RYR3: variants seen among roughly 807,000 people sequenced by gnomAD.
RYR3 encodes ryanodine receptor 3.
RYR3 carries 207 observed loss-of-function variants against 584.3 expected under a neutral mutation model. The ratio of observed to expected loss-of-function variants is 0.35; its 90% confidence interval spans 0.32 to 0.40. The LOEUF is 0.40. Ranked by LOEUF, RYR3 falls within the 10% of genes least tolerant of loss-of-function variation. The probability of loss-of-function intolerance (pLI) is 1.00; values close to 1 mark genes in which losing one functional copy is unlikely to be tolerated. For synonymous variants in RYR3, 2,416 were observed against 2,248.5 expected, an observed-to-expected ratio of 1.07 and a Z score of -2.11; for missense variants, 5,616 against 6,089.2, an observed-to-expected ratio of 0.92 and a Z score of 2.59.
chr15:33,865,427 G>C lies in RYR3; in HGVS notation c.*201G>C. On this transcript the variant is annotated 3_prime_UTR_variant, in exon 104 of 104. Coordinates refer to ENST00000634891, the MANE Select transcript of RYR3 (RefSeq NM_001036.6). ...GGACATACACTGTGGGAGAGAACCT[G>C]TCAAAATGTCGAAGAAGGAAGGCGA... 2.0e-6 allele frequency: 1 copy of C among 511,412 alleles called. No homozygotes were observed. Among genetic ancestry groups the C allele is most frequent in the South Asian group, 3.2e-5 (1 of 31,680 alleles). The allele number at this position is 511,412 out of a possible 1,614,324, so 31.7% of individuals were successfully genotyped here.
At position 33,783,315 on chromosome 15, in the gene RYR3, G is replaced by A. The variant is rs1462462569; in HGVS notation, c.9269-2347G>A. Among the ~76,000 whole-genome samples the A allele has an allele frequency of 2.6e-5, 4 of 152,276 alleles. No homozygotes were observed. The East Asian group carries it at 7.7e-4, about 29-fold the overall frequency. ...GAATTATTGATCTAGAAGTTAAAAG[G>A]ACAGTGATTCTAAAGATTCCCCCTA... is the stretch of plus-strand genomic sequence containing the variant. On this transcript the variant is annotated intron_variant, in intron 65 of 103. Coordinates refer to ENST00000634891, the MANE Select transcript of RYR3 (RefSeq NM_001036.6).
chr15:33,842,705 C>T (rs996402070), intron 91 of RYR3, among the ~76,000 whole-genome samples: 1 of 152,172 alleles, frequency 6.6e-6, no homozygotes, highest in African/African-American at 2.4e-5. Context: ...GCTCCTGGAA[C>T]TGTAACTTGG....
rs551472479 is a variant in RYR3 at position 33,757,502 on chromosome 15, T to C, written c.8611T>C (p.Phe2871Leu). Reference sequence around the variant, plus strand: ...TCTCCTCCCGCTGGTTGACCAGTACTTCACCAGTCATTGCCTCTACTTCTT... The same window carrying C: ...TCTCCTCCCGCTGGTTGACCAGTACCTCACCAGTCATTGCCTCTACTTCTT... ...KVLLPLVDQY[F>L]TSHCLYFLSS... The change falls in exon 60 of 104, where the codon TTC becomes CTC. Residue 2871 changes from phenylalanine (F) to leucine (L), a missense_variant. Around this residue, in one of 9 missense-constraint regions of RYR3, gnomAD observed 1,280 missense variants for 1,426.2 expected, o/e 0.90. Transcript: ENST00000634891. The C allele has an allele frequency of 2.1e-5, 33 of 1,609,564 alleles. No individual in the cohort carries two copies. The highest frequency in any genetic ancestry group is 2.7e-5 in the Non-Finnish European group (32 of 1,178,238).
At position 33,398,835 on chromosome 15, in the gene RYR3, C is replaced by T. The variant is rs148771975; in HGVS notation, c.52-74584C>T. ...AGCGAGGCTCTGGCCTGGAGGGACT[C>T]GTTCACATGGCGAGCTGAGCATGTC... is the stretch of plus-strand genomic sequence containing the variant. On this transcript the variant is annotated intron_variant, in intron 1 of 103. Coordinates refer to ENST00000634891, the MANE Select transcript of RYR3 (RefSeq NM_001036.6). Among the ~76,000 whole-genome samples the T allele has an allele frequency of 7.9e-4, 120 of 152,260 alleles. 1 individual carries two copies. The highest frequency in any genetic ancestry group is 1.8e-3 in the Admixed American group (27 of 15,300).
At chr15:33,813,662 T>A in intron 74 of RYR3, 83 bp downstream of exon 74, 1 of 1,111,984 alleles carries the variant, frequency 9.0e-7, no homozygotes, top group Non-Finnish European at 1.4e-6. Context: ...CTCTCACTCT[T>A]AATCCAAGGA....
intron 90 of RYR3, 60 bp downstream of exon 90, chr15:33,840,943 C>A (rs1047479121): frequency 1.3e-6 from 2 of 1,493,510 alleles, no homozygotes; most frequent in Non-Finnish European, 1.9e-6. Context: ...TTAGGCCAGG[C>A]AGAGTGGCTC....
At chr15:33,501,046 G>T (rs528905583) in intron 2 of RYR3, among the ~76,000 whole-genome samples, 2 of 152,118 alleles carry the variant, frequency 1.3e-5, no homozygotes, top group African/African-American at 4.8e-5. Context: ...CACACCAGAG[G>T]TACAGAAACT....
At chr15:33,418,287 G>T (rs1458346050) in intron 1 of RYR3, among the ~76,000 whole-genome samples, 4 of 151,158 alleles carry the variant, frequency 2.6e-5, no homozygotes, top group Non-Finnish European at 5.9e-5. Context: ...GATAGAATTC[G>T]GCTGCAAATC....
Position 33,514,474 on chromosome 15 carries a change from G to T in RYR3, c.279+10736G>T, listed in dbSNP as rs114356263. On this transcript the variant is annotated intron_variant, in intron 3 of 103. Coordinates refer to ENST00000634891, the MANE Select transcript of RYR3 (RefSeq NM_001036.6). ...AGCCTTTGGGAGTTTGCTTTTAAAC[G>T]CCCTTCTCTCTGCTGACTCCTGAGT... is the stretch of plus-strand genomic sequence containing the variant. Among the ~76,000 whole-genome samples, 596 of 152,142 alleles carry T rather than the reference G, an allele frequency of 3.9e-3. 2 individuals are homozygous for T. The highest frequency in any genetic ancestry group is 0.014 in the African/African-American group (581 of 41,502).
intron 1 of RYR3, among the ~76,000 whole-genome samples, chr15:33,326,181 A>G (rs893109021): frequency 1.3e-5 from 2 of 152,134 alleles, no homozygotes; most frequent in African/African-American, 2.4e-5. Flanking sequence ...AATCAAAGCT[A>G]CTATCTTCTA....
intron 16 of RYR3, among the ~76,000 whole-genome samples, chr15:33,596,876 CT>C (rs2059403506): frequency 1.3e-5 from 2 of 152,162 alleles, no homozygotes; most frequent in South Asian, 4.1e-4. Flanking sequence ...TCCCCCACCC[CT>C]CCCTCTTAAC....
intron 98 of RYR3, chr15:33,855,961 CCTTTGTACGGGA>C (rs989064895): frequency 1.3e-5 from 2 of 152,132 alleles, no homozygotes; most frequent in African/African-American, 4.8e-5. Flanking sequence ...CATGTCCAAA[CCTTTGTACGGGA>C]GAGGGAGAAA....
intron 36 of RYR3, among the ~76,000 whole-genome samples, chr15:33,668,241 C>G (rs1005288603): frequency 6.6e-6 from 1 of 151,740 alleles, no homozygotes; most frequent in East Asian, 1.9e-4. Context: ...GGCGTGAACC[C>G]GGGAGGCGGA....
Position 33,662,781 on chromosome 15 carries a change from G to T in RYR3, c.5251G>T (p.Asp1751Tyr). The T allele has an allele frequency of 6.2e-7, 1 of 1,614,004 alleles. No individual in the cohort carries two copies. Among genetic ancestry groups the T allele is most frequent in the South Asian group, 1.1e-5 (1 of 91,074 alleles). Reference protein sequence around the residue: ...DDVRQILLLIDPSVFGEHSAG... With the variant: ...DDVRQILLLIYPSVFGEHSAG... ...TGTTCGGCAGATCCTCCTCCTGATT[G>T]ATCCCTCTGTGTTTGGGGAGCATAG... Residue 1751 changes from aspartate (D) to tyrosine (Y), a missense_variant, in exon 35 of 104, where the codon GAT becomes TAT. Physicochemically the swap from Asp to Tyr is radical, Grantham distance 160. Around this residue, in one of 9 missense-constraint regions of RYR3, gnomAD observed 753 missense variants for 741.0 expected, o/e 1.02. Coordinates refer to ENST00000634891, the MANE Select transcript of RYR3 (RefSeq NM_001036.6).
At chr15:33,782,810 C>T (rs2074463710) in intron 65 of RYR3, among the ~76,000 whole-genome samples, 1 of 152,174 alleles carries the variant, frequency 6.6e-6, no homozygotes. Flanking sequence ...CTATAACATC[C>T]TGGTGCATTT....
chr15:33,572,867 A>G (rs1287614381), intron 12 of RYR3, among the ~76,000 whole-genome samples: 2 of 152,136 alleles, frequency 1.3e-5, no homozygotes, highest in African/African-American at 2.4e-5. Flanking sequence ...CCAGCTACTG[A>G]GGAGGCTAAG....
intron 36 of RYR3, among the ~76,000 whole-genome samples, chr15:33,664,084 T>A (rs968550036): frequency 2.0e-5 from 3 of 152,138 alleles, no homozygotes; most frequent in Non-Finnish European, 4.4e-5. Context: ...CTGCCAACCC[T>A]TGCAGAAGTC....
intron 62 of RYR3, 119 bp from the exon 63 acceptor site, chr15:33,771,801 C>A: frequency 1.5e-6 from 1 of 684,714 alleles, no homozygotes. Flanking sequence ...TCTCCTGACA[C>A]AGTGTCATTG....
chr15:33,365,827 A>T (rs921427916), intron 1 of RYR3, among the ~76,000 whole-genome samples: 5 of 152,200 alleles, frequency 3.3e-5, no homozygotes, highest in African/African-American at 1.2e-4. Flanking sequence ...AAGTCATTGA[A>T]TTGCATTTAT....
Sources: gnomAD v4.1 joint callset for allele counts (sites outside exome capture counted in the v4.1 genomes callset) on GRCh38, gnomAD v4.1.1 for gene constraint, gnomAD v4.1.1 regional missense constraint, MANE v1.5 for transcripts, NCBI Gene and HGNC (gene_info 2026-07-23, HGNC 2026-07-21) for gene names.